PRUNE2: variants seen among roughly 807,000 people sequenced by gnomAD.
PRUNE2 encodes protein prune homolog 2.
Under a neutral mutation model 252.0 loss-of-function variants are expected in PRUNE2, and 164 were observed. The ratio of observed to expected loss-of-function variants is 0.65; its 90% confidence interval spans 0.57 to 0.74. The LOEUF is 0.74. Among genes scored for constraint, PRUNE2 ranks in the 30% least tolerant of loss-of-function variants. The pLI, the probability that PRUNE2 is intolerant of heterozygous loss-of-function variation, is 0.00. For synonymous variants in PRUNE2, 1,292 were observed against 1,350.2 expected (o/e 0.96, Z 0.94); for missense variants, 3,495 against 3,711.0 (o/e 0.94, Z 1.51).
intron 2 of PRUNE2, 67 bp from the exon 3 acceptor site, chr9:76,850,732 C>T: frequency 1.6e-6 from 2 of 1,217,082 alleles, no homozygotes; most frequent in Non-Finnish European, 2.4e-6. Context: ...TACATTTTCT[C>T]CAGCCTGGGG....
chr9:76,879,510 T>C (rs927352750), intron 1 of PRUNE2, among the ~76,000 whole-genome samples: 1 of 152,178 alleles, frequency 6.6e-6, no homozygotes, highest in Admixed American at 6.5e-5. Context: ...ATGTAGCTTA[T>C]ATTCTAATGA....
chr9:76,768,135 TCCCCTC>T (rs1338789145), intron 6 of PRUNE2, among the ~76,000 whole-genome samples: 1 of 151,354 alleles, frequency 6.6e-6, no homozygotes, highest in Non-Finnish European at 1.5e-5. Flanking sequence ...TAAGTCTAAT[TCCCCTC>T]CCCAGAAAGC....
At position 76,710,035 on chromosome 9, in the gene PRUNE2, T is replaced by C. The variant is rs1254945883; in HGVS notation, c.2239A>G (p.Lys747Glu). Residue 747 changes from lysine to glutamate, a missense_variant, in exon 8 of 19, where the codon AAG becomes GAG. Transcript: ENST00000376718. ...SLPFQNLPME[K>E]SPLPNTSPQG... ...GGAGATGTATTTGGCAAAGGTGACT[T>C]CTCCATGGGCAGGTTCTGGAACGGC... 2.5e-6 allele frequency: 4 copies of C among 1,613,738 alleles called. No homozygotes were observed. The highest frequency in any genetic ancestry group is 1.6e-4 in the Middle Eastern group (1 of 6,084).
At chr9:76,664,861 A>G (rs1469102402) in intron 9 of PRUNE2, among the ~76,000 whole-genome samples, 1 of 152,178 alleles carries the variant, frequency 6.6e-6, no homozygotes, top group Non-Finnish European at 1.5e-5. Context: ...TCCTCATCCT[A>G]GTGAATGTCT....
intron 1 of PRUNE2, among the ~76,000 whole-genome samples, chr9:76,861,038 C>T (rs550038584): frequency 6.6e-6 from 1 of 152,296 alleles, no homozygotes; most frequent in East Asian, 1.9e-4. Flanking sequence ...TAACGTGCTG[C>T]TCACAACCCT....
At chr9:76,748,505 G>A (rs553322931) in intron 6 of PRUNE2, among the ~76,000 whole-genome samples, 5 of 152,282 alleles carry the variant, frequency 3.3e-5, no homozygotes, top group Middle Eastern at 3.4e-3. Flanking sequence ...AAAGATTGGG[G>A]AGTGACTGTT....
intron 6 of PRUNE2, among the ~76,000 whole-genome samples, chr9:76,764,895 C>T (rs1322536809): frequency 1.3e-5 from 2 of 152,132 alleles, no homozygotes; most frequent in Non-Finnish European, 2.9e-5. Context: ...ACCCCAATGT[C>T]TACAACAGAC....
intron 1 of PRUNE2, among the ~76,000 whole-genome samples, chr9:76,902,256 G>A (rs1000417791): frequency 6.7e-6 from 1 of 150,104 alleles, no homozygotes. Context: ...TGAAGTTGAG[G>A]GTCATTTCCC....
intron 9 of PRUNE2, among the ~76,000 whole-genome samples, chr9:76,679,648 A>AAAAT (rs1300252725): frequency 6.6e-6 from 1 of 152,192 alleles, no homozygotes; most frequent in Non-Finnish European, 1.5e-5. Flanking sequence ...ATGAGACTCT[A>AAAAT]AAATAAATAA....
At chr9:76,667,433 A>T (rs769003696) in intron 9 of PRUNE2, among the ~76,000 whole-genome samples, 32 of 152,232 alleles carry the variant, frequency 2.1e-4, no homozygotes, top group Non-Finnish European at 4.4e-4. Context: ...TGCCATCTGC[A>T]GCCCCCATTT....
In PRUNE2 at chr9:76,708,827, A is replaced by T. The variant is rs763794280; in HGVS notation, c.3447T>A (p.Ser1149Arg). 44 of 1,613,480 alleles carry T rather than the reference A, an allele frequency of 2.7e-5. No individual in the cohort carries two copies. The highest frequency in any genetic ancestry group is 3.6e-5 in the Non-Finnish European group (42 of 1,179,818). ...DDCSGGAAIPSDGQTEGYMAE... is the reference protein window; with the variant it reads ...DDCSGGAAIPRDGQTEGYMAE... ...CCATGTATCCTTCTGTTTGACCATC[A>T]CTGGGGATTGCCGCACCCCCACTGC... Residue 1149 changes from serine to arginine, a missense_variant, in exon 8 of 19, where the codon AGT (serine) becomes AGA (arginine). Transcript: ENST00000376718.
chr9:76,705,776 A>C lies in PRUNE2; in HGVS notation c.6498T>G (p.Thr2166=). ...SNAELDSENA[T]VLPPIGYQAD... The stretch of plus-strand genomic sequence containing the variant: ...CTTGATAGCCAATTGGAGGCAGCAC[A>C]GTTGCGTTTTCAGAATCGAGTTCTG... Residue 2166 remains threonine, a synonymous_variant, in exon 8 of 19, where the codon ACT becomes ACG. Coordinates refer to ENST00000376718, the MANE Select transcript of PRUNE2 (RefSeq NM_015225.3). 6.2e-7 allele frequency: 1 copy of C among 1,613,958 alleles called. No homozygotes were observed. The highest frequency in any genetic ancestry group is 8.5e-7 in the Non-Finnish European group (1 of 1,179,892).
intron 6 of PRUNE2, among the ~76,000 whole-genome samples, chr9:76,793,940 G>A (rs1052079144): frequency 4.6e-5 from 7 of 152,142 alleles, no homozygotes; most frequent in Middle Eastern, 3.2e-3. Context: ...TCAAAAAGGC[G>A]TGGGCTATAA....
At chr9:76,657,309 T>C (rs530663512) in intron 9 of PRUNE2, among the ~76,000 whole-genome samples, 49 of 152,368 alleles carry the variant, frequency 3.2e-4, no homozygotes, top group Middle Eastern at 3.4e-3. Flanking sequence ...ATGTACATTA[T>C]TTTTCTAGTT....
intron 9 of PRUNE2, among the ~76,000 whole-genome samples, chr9:76,685,992 A>G (rs527954742): frequency 6.6e-6 from 1 of 152,324 alleles, no homozygotes; most frequent in Non-Finnish European, 1.5e-5. Flanking sequence ...GCTTACTTAC[A>G]TGTATCCTGC....
At chr9:76,889,502 T>C (rs2062330465) in intron 1 of PRUNE2, among the ~76,000 whole-genome samples, 1 of 151,960 alleles carries the variant, frequency 6.6e-6, no homozygotes, top group Admixed American at 6.5e-5. Flanking sequence ...TGATTTTTAG[T>C]AGAAACGAGG....
intron 1 of PRUNE2, among the ~76,000 whole-genome samples, chr9:76,869,623 T>C (rs760822539): frequency 1.3e-5 from 2 of 152,208 alleles, no homozygotes; most frequent in Non-Finnish European, 2.9e-5. Flanking sequence ...CAGCAAGATA[T>C]AGAAATGCAC....
intron 9 of PRUNE2, among the ~76,000 whole-genome samples, chr9:76,696,799 C>T (rs376432725): frequency 3.3e-5 from 5 of 152,328 alleles, no homozygotes; most frequent in East Asian, 1.9e-4. Flanking sequence ...TCCCGCTGGC[C>T]GTGTCCCTCA....
chr9:76,664,662 A>C (rs916453984), intron 9 of PRUNE2, among the ~76,000 whole-genome samples: 14 of 152,114 alleles, frequency 9.2e-5, no homozygotes, highest in African/African-American at 3.4e-4. Flanking sequence ...CTGGGATTAC[A>C]GACGTGCACC....
Sources: gnomAD v4.1 joint callset for allele counts (sites outside exome capture counted in the v4.1 genomes callset) on GRCh38, gnomAD v4.1.1 for gene constraint, MANE v1.5 for transcripts, NCBI Gene and HGNC (gene_info 2026-07-23, HGNC 2026-07-21) for gene names.